Variants in RANBP2 observed in about 807,000 individuals in gnomAD.
RANBP2 encodes E3 SUMO-protein ligase RanBP2.
RANBP2 carries 57 observed loss-of-function variants against 303.6 expected under a neutral mutation model. The ratio of observed to expected loss-of-function variants is 0.19; its 90% confidence interval spans 0.15 to 0.23. The LOEUF is 0.23. RANBP2 is among the 10% of genes least tolerant of loss of function. RANBP2 has a pLI of 1.00. For synonymous variants in RANBP2, 1,167 were observed against 1,301.5 expected, an observed-to-expected ratio of 0.90 and a Z score of 2.23; for missense variants, 3,138 against 3,780.8, an observed-to-expected ratio of 0.83 and a Z score of 4.46.
At chr2:109,247,723 T>G in the RANBP2 span, among the ~76,000 whole-genome samples, 1 of 152,218 alleles carries the variant, frequency 6.6e-6, no homozygotes, top group Non-Finnish European at 1.5e-5. Flanking sequence ...CCTGTATCAG[T>G]TAGGATTTGC....
chr2:109,636,766 C>T, the RANBP2 span, among the ~76,000 whole-genome samples: 5 of 152,086 alleles, frequency 3.3e-5, no homozygotes, highest in Non-Finnish European at 5.9e-5. Context: ...GATGAAACCC[C>T]GTCACTACCA....
chr2:108,855,444 G>A, the RANBP2 span, among the ~76,000 whole-genome samples: 8 of 151,458 alleles, frequency 5.3e-5, no homozygotes, highest in South Asian at 2.1e-4. Context: ...AAAGAGTTGC[G>A]TTCAGGCTTC....
chr2:108,749,380 C>A (rs1675669393), intron 9 of RANBP2, among the ~76,000 whole-genome samples: 2 of 152,102 alleles, frequency 1.3e-5, no homozygotes, highest in Admixed American at 1.3e-4. Flanking sequence ...TCACTGTAAC[C>A]TCTGCCTCCC....
chr2:108,827,584 A>C, the RANBP2 span, among the ~76,000 whole-genome samples: 1 of 151,082 alleles, frequency 6.6e-6, no homozygotes, highest in Non-Finnish European at 1.5e-5. Context: ...TGGGAGGCCA[A>C]GGTGGGCGGA....
the RANBP2 span, chr2:109,545,353 C>T: frequency 1.3e-6 from 2 of 1,497,072 alleles, no homozygotes; most frequent in Non-Finnish European, 1.8e-6. Flanking sequence ...AACTTATTTT[C>T]TAAAACTTGG....
At chr2:109,505,197 G>A in the RANBP2 span, among the ~76,000 whole-genome samples, 1 of 152,096 alleles carries the variant, frequency 6.6e-6, no homozygotes, top group Non-Finnish European at 1.5e-5. Flanking sequence ...CTCCAGAGAG[G>A]TGCATCTGTC....
At chr2:109,110,755 AGCTG>A in the RANBP2 span, among the ~76,000 whole-genome samples, 2 of 152,178 alleles carry the variant, frequency 1.3e-5, no homozygotes, top group Admixed American at 1.3e-4. Flanking sequence ...TCTGGGAGAC[AGCTG>A]TCCATGCCTT....
chr2:109,765,331 G>A, the RANBP2 span, among the ~76,000 whole-genome samples: 8 of 149,202 alleles, frequency 5.4e-5, no homozygotes, highest in African/African-American at 2.0e-4. Context: ...ATGAAATAAC[G>A]CTTATTACTA....
the RANBP2 span, among the ~76,000 whole-genome samples, chr2:109,150,948 A>G: frequency 6.6e-6 from 1 of 152,232 alleles, no homozygotes; most frequent in Non-Finnish European, 1.5e-5. Context: ...AGTTATTTCA[A>G]GGTGCTGATG....
At chr2:109,231,185 A>G in the RANBP2 span, among the ~76,000 whole-genome samples, 5 of 152,250 alleles carry the variant, frequency 3.3e-5, no homozygotes. Flanking sequence ...GCTTTGCCGA[A>G]GTCTCGGATG....
At chr2:109,511,275 C>A in the RANBP2 span, among the ~76,000 whole-genome samples, 2 of 152,224 alleles carry the variant, frequency 1.3e-5, no homozygotes, top group East Asian at 3.9e-4. Context: ...TGAAGCCTGA[C>A]TCGGGACTGG....
the RANBP2 span, among the ~76,000 whole-genome samples, chr2:109,011,157 T>C: frequency 1.3e-5 from 2 of 152,202 alleles, no homozygotes; most frequent in Admixed American, 6.5e-5. Context: ...TCTTTTGCGT[T>C]AGATCCCATT....
the RANBP2 span, among the ~76,000 whole-genome samples, chr2:109,235,260 G>T: frequency 3.9e-5 from 6 of 152,268 alleles, no homozygotes; most frequent in East Asian, 7.7e-4. Context: ...TGGGAGGACT[G>T]GTTGGTGGGC....
At chr2:108,871,366 C>A in the RANBP2 span, among the ~76,000 whole-genome samples, 1 of 68,948 alleles carries the variant, frequency 1.5e-5, no homozygotes, top group Admixed American at 2.0e-4. Flanking sequence ...AACCCCAACT[C>A]TATTAAAAAA....
At chr2:109,576,932 CTG>C in the RANBP2 span, among the ~76,000 whole-genome samples, 1 of 152,082 alleles carries the variant, frequency 6.6e-6, no homozygotes, top group Non-Finnish European at 1.5e-5. Flanking sequence ...GAAGAAATGT[CTG>C]AGATTTTTTA....
the RANBP2 span, among the ~76,000 whole-genome samples, chr2:108,917,066 G>A: frequency 5.3e-5 from 8 of 152,214 alleles, no homozygotes; most frequent in African/African-American, 1.9e-4. Flanking sequence ...GCAGAAGGGA[G>A]AGGAGCAAAG....
chr2:109,364,365 G>C, the RANBP2 span, among the ~76,000 whole-genome samples: 1 of 152,240 alleles, frequency 6.6e-6, no homozygotes, highest in South Asian at 2.1e-4. Context: ...TCACCCATCT[G>C]TTCTTACATG....
At chr2:109,454,998 A>G in the RANBP2 span, among the ~76,000 whole-genome samples, 508 of 152,304 alleles carry the variant, frequency 3.3e-3, 5 homozygotes, top group East Asian at 0.017. Flanking sequence ...TTGAAACTTG[A>G]AAGAGCCTCT....
At chr2:109,064,126 T>C in the RANBP2 span, among the ~76,000 whole-genome samples, 2 of 152,196 alleles carry the variant, frequency 1.3e-5, no homozygotes, top group African/African-American at 2.4e-5. Flanking sequence ...CTGTAAGGTA[T>C]GTACTAATGT....
Sources: allele counts gnomAD v4.1 joint callset (sites outside exome capture counted in the v4.1 genomes callset), GRCh38; gene constraint gnomAD v4.1.1; transcripts MANE v1.5; gene names NCBI Gene and HGNC (gene_info 2026-07-23, HGNC 2026-07-21).